NRG3: variants seen among roughly 807,000 people sequenced by gnomAD.
NRG3 encodes the protein neuregulin 3.
A neutral mutation model predicts 66.9 loss-of-function variants in NRG3; 31 were observed. The ratio of observed to expected loss-of-function variants is 0.46; its 90% CI spans 0.35 to 0.63. The LOEUF is 0.63. NRG3 is among the 20% of genes least tolerant of loss of function. The pLI is 0.00. For synonymous variants in NRG3, 393 were observed against 359.4 expected, an observed-to-expected ratio of 1.09 and a Z score of -1.06; for missense variants, 910 against 878.9, an observed-to-expected ratio of 1.04 and a Z score of -0.45.
At chr10:82,759,847 T>A (rs1231781648) in intron 3 of NRG3, among the ~76,000 whole-genome samples, 1 of 152,030 alleles carries the variant, frequency 6.6e-6, no homozygotes, top group East Asian at 1.9e-4. Context: ...ATCATACTAA[T>A]CTATTGATGA....
chr10:82,755,669 T>A (rs367605408), intron 3 of NRG3, among the ~76,000 whole-genome samples: 1 of 152,128 alleles, frequency 6.6e-6, no homozygotes, highest in Non-Finnish European at 1.5e-5. Flanking sequence ...GGAAACAGGA[T>A]TATCTGCTGA....
At chr10:82,069,662 T>A (rs2064689522) in intron 1 of NRG3, among the ~76,000 whole-genome samples, 1 of 152,134 alleles carries the variant, frequency 6.6e-6, no homozygotes, top group Non-Finnish European at 1.5e-5. Flanking sequence ...TTGAAGGTGT[T>A]CATACAAAGA....
intron 2 of NRG3, among the ~76,000 whole-genome samples, chr10:82,681,704 GTGAAC>G (rs537887093): frequency 2.7e-4 from 41 of 152,348 alleles, no homozygotes; most frequent in Admixed American, 2.2e-3. Flanking sequence ...ATGTTCAGAA[GTGAAC>G]TGACTTATTA....
chr10:82,604,475 T>C lies in NRG3; in HGVS notation c.954-134102T>C, dbSNP rs75969492. Among the ~76,000 whole-genome samples the C allele has an allele frequency of 5.2e-3, 797 of 152,284 alleles. 6 individuals carry two copies. The highest frequency in any genetic ancestry group is 0.017 in the African/African-American group (702 of 41,584). On this transcript the variant is annotated intron_variant, in intron 2 of 8. Transcript: ENST00000372141. Reference sequence around the variant, plus strand: ...TTGGTTGCTGTCACATTTTGGCAATTACAAATACAGCTGTTATACACATTT... The same window carrying C: ...TTGGTTGCTGTCACATTTTGGCAATCACAAATACAGCTGTTATACACATTT...
At chr10:82,080,392 G>T (rs1441987882) in intron 1 of NRG3, among the ~76,000 whole-genome samples, 1 of 152,090 alleles carries the variant, frequency 6.6e-6, no homozygotes, top group African/African-American at 2.4e-5. Context: ...AGGAATGAGG[G>T]TATGAATCTA....
intron 4 of NRG3, among the ~76,000 whole-genome samples, chr10:82,948,068 T>C (rs995517133): frequency 2.6e-5 from 4 of 152,076 alleles, no homozygotes; most frequent in African/African-American, 9.6e-5. Flanking sequence ...ACATCTATCA[T>C]CCTTTTTGAG....
chr10:82,750,012 C>T (rs992488750), intron 3 of NRG3, among the ~76,000 whole-genome samples: 1 of 152,180 alleles, frequency 6.6e-6, no homozygotes, highest in Admixed American at 6.5e-5. Flanking sequence ...TAGACAGACA[C>T]AACCACTTTC....
intron 2 of NRG3, among the ~76,000 whole-genome samples, chr10:82,613,844 C>A (rs1187852192): frequency 8.9e-6 from 1 of 112,628 alleles, no homozygotes; most frequent in Non-Finnish European, 1.7e-5. Context: ...CCCCTCCCCC[C>A]ACCCCACAAC....
intron 1 of NRG3, among the ~76,000 whole-genome samples, chr10:82,337,745 T>C (rs1189101021): frequency 6.6e-6 from 1 of 151,680 alleles, no homozygotes; most frequent in Non-Finnish European, 1.5e-5. Context: ...TATGTGTTTG[T>C]TGGATGTATG....
chr10:82,576,157 C>CT lies in NRG3; in HGVS notation c.954-162419dup, dbSNP rs1554965707. Among the ~76,000 whole-genome samples, 19 of 151,704 alleles carry CT rather than the reference C, an allele frequency of 1.3e-4. No individual in the cohort carries two copies. In the South Asian group the frequency reaches 3.7e-3, roughly 30 times the overall value. On this transcript the variant is annotated intron_variant, in intron 2 of 8. Coordinates refer to ENST00000372141, the MANE Select transcript of NRG3 (RefSeq NM_001010848.4). Reference sequence around the variant, plus strand: ...CAATTTTCAGACATCTTTTTCTCCTCTGTTTTGTTTTGTTTTTTTAATTTT... The same window carrying CT: ...CAATTTTCAGACATCTTTTTCTCCTCTTGTTTTGTTTTGTTTTTTTAATTTT...
intron 1 of NRG3, among the ~76,000 whole-genome samples, chr10:82,270,997 G>A (rs1051177494): frequency 6.6e-6 from 1 of 152,044 alleles, no homozygotes; most frequent in Non-Finnish European, 1.5e-5. Flanking sequence ...CTCAGAGAAT[G>A]ATATTGCCAG....
chr10:82,159,614 C>A (rs2071427252), intron 1 of NRG3, among the ~76,000 whole-genome samples: 1 of 151,792 alleles, frequency 6.6e-6, no homozygotes, highest in Non-Finnish European at 1.5e-5. Context: ...TTTTCTGCTT[C>A]TCTTATTAAG....
At chr10:81,881,615 T>C (rs1842188278) in intron 1 of NRG3, among the ~76,000 whole-genome samples, 1 of 152,330 alleles carries the variant, frequency 6.6e-6, no homozygotes, top group Middle Eastern at 3.4e-3. Context: ...TAAGTATCTA[T>C]CTGGGGGCAT....
At chr10:82,552,476 T>C (rs980356882) in intron 2 of NRG3, among the ~76,000 whole-genome samples, 3 of 152,202 alleles carry the variant, frequency 2.0e-5, no homozygotes, top group Non-Finnish European at 2.9e-5. Context: ...TGCTGACTAA[T>C]GTGTATTGAC....
chr10:82,040,016 G>A (rs921992905), intron 1 of NRG3, among the ~76,000 whole-genome samples: 1 of 128,566 alleles, frequency 7.8e-6, no homozygotes, highest in Non-Finnish European at 1.9e-5. Flanking sequence ...ACAGCACAAA[G>A]TTAATAAGGG....
chr10:82,751,334 A>G (rs1565275707), intron 3 of NRG3, among the ~76,000 whole-genome samples: 1 of 152,030 alleles, frequency 6.6e-6, no homozygotes, highest in African/African-American at 2.4e-5. Flanking sequence ...AAGGTTATCA[A>G]ATTTTCAGTT....
chr10:82,136,713 A>G (rs900530618), intron 1 of NRG3, among the ~76,000 whole-genome samples: 17 of 152,124 alleles, frequency 1.1e-4, no homozygotes, highest in African/African-American at 3.6e-4. Context: ...TCAGGACCCA[A>G]GGGCTCTTTA....
At chr10:82,732,829 A>G (rs1234115138) in intron 2 of NRG3, among the ~76,000 whole-genome samples, 1 of 152,216 alleles carries the variant, frequency 6.6e-6, no homozygotes, top group Non-Finnish European at 1.5e-5. Context: ...GAAATGCCAG[A>G]CGATCTTTCC....
At chr10:82,001,188 T>C (rs1198300484) in intron 1 of NRG3, among the ~76,000 whole-genome samples, 3 of 131,512 alleles carry the variant, frequency 2.3e-5, no homozygotes, top group Admixed American at 8.6e-5. Flanking sequence ...AAAAGGAAAG[T>C]GTAAGAGAAA....
Sources: gnomAD v4.1 joint callset for allele counts (sites outside exome capture counted in the v4.1 genomes callset) on GRCh38, gnomAD v4.1.1 for gene constraint, MANE v1.5 for transcripts, NCBI Gene and HGNC (gene_info 2026-07-23, HGNC 2026-07-21) for gene names.